Variants in LAMC1 observed in about 807,000 individuals in gnomAD.
LAMC1 encodes the protein laminin subunit gamma-1.
Under a neutral mutation model 173.6 loss-of-function variants are expected in LAMC1, and 38 were observed. The observed-to-expected ratio is 0.22, with a 90% CI of 0.17 to 0.29. The LOEUF (loss-of-function observed/expected upper bound fraction) is 0.29, where lower values mean the gene tolerates loss of function less well. Among genes scored for constraint, LAMC1 ranks in the 10% least tolerant of loss-of-function variants. LAMC1 has a pLI of 1.00. For synonymous variants in LAMC1, 746 were observed against 749.1 expected, an observed-to-expected ratio of 1.00 and a Z score of 0.07; for missense variants, 1,824 against 2,051.8, an observed-to-expected ratio of 0.89 and a Z score of 2.14.
intron 1 of LAMC1, among the ~76,000 whole-genome samples, chr1:183,059,991 G>T (rs1225728544): frequency 6.6e-6 from 1 of 152,106 alleles, no homozygotes; most frequent in African/African-American, 2.4e-5. Context: ...TTATTGTTCT[G>T]GTACCTGAAG....
chr1:183,108,475 G>A, intron 3 of LAMC1, 69 bp downstream of exon 3: 1 of 1,405,972 alleles, frequency 7.1e-7, no homozygotes, highest in Non-Finnish European at 9.9e-7. Context: ...CTAGCAACTT[G>A]TTTACAACTA....
At chr1:183,096,278 T>C (rs1053104902) in intron 1 of LAMC1, among the ~76,000 whole-genome samples, 4 of 152,240 alleles carry the variant, frequency 2.6e-5, no homozygotes, top group Non-Finnish European at 5.9e-5. Context: ...CGGATTTATC[T>C]TCTCCAAAAT....
At chr1:183,094,573 G>A (rs1655646504) in intron 1 of LAMC1, among the ~76,000 whole-genome samples, 1 of 151,768 alleles carries the variant, frequency 6.6e-6, no homozygotes, top group Non-Finnish European at 1.5e-5. Context: ...TTGAATGAAT[G>A]GAAGAATTTG....
chr1:183,093,134 C>T (rs1348715143), intron 1 of LAMC1, among the ~76,000 whole-genome samples: 1 of 152,086 alleles, frequency 6.6e-6, no homozygotes, highest in Non-Finnish European at 1.5e-5. Flanking sequence ...ATTTAGGGCT[C>T]TCCCCTGTCT....
intron 1 of LAMC1, among the ~76,000 whole-genome samples, chr1:183,098,722 A>G (rs1655757154): frequency 6.6e-6 from 1 of 152,224 alleles, no homozygotes; most frequent in African/African-American, 2.4e-5. Context: ...AAAAAAAGTC[A>G]TCAGTAGAAC....
intron 1 of LAMC1, among the ~76,000 whole-genome samples, chr1:183,072,581 G>A (rs1475411537): frequency 6.6e-6 from 1 of 152,192 alleles, no homozygotes; most frequent in Non-Finnish European, 1.5e-5. Flanking sequence ...ATTAATGAAT[G>A]TCTTTTGGGT....
intron 1 of LAMC1, among the ~76,000 whole-genome samples, chr1:183,032,545 A>G (rs1193957121): frequency 6.6e-6 from 1 of 152,022 alleles, no homozygotes; most frequent in African/African-American, 2.4e-5. Flanking sequence ...TTAAAGAGAC[A>G]AAGTCTCACT....
rs967584959 is a variant in LAMC1 at position 183,039,746 on chromosome 1, A to G, written c.418+15612A>G. On this transcript the variant is annotated intron_variant, in intron 1 of 27. Coordinates refer to ENST00000258341, the MANE Select transcript of LAMC1 (RefSeq NM_002293.4). Reference sequence around the variant, plus strand: ...CAGACGTCAATGGTGAATCCAGACCATTTCAAGATGGACACTGATTCTGGA... The same window carrying G: ...CAGACGTCAATGGTGAATCCAGACCGTTTCAAGATGGACACTGATTCTGGA... 5.4e-4 allele frequency among the ~76,000 whole-genome samples: 82 copies of G among 152,212 alleles called. 1 individual carries two copies.
intron 2 of LAMC1, among the ~76,000 whole-genome samples, chr1:183,105,996 C>A (rs780722678): frequency 3.3e-5 from 5 of 152,182 alleles, no homozygotes; most frequent in Non-Finnish European, 7.3e-5. Context: ...CTGTTCTAAG[C>A]CCTTTGATTT....
intron 1 of LAMC1, among the ~76,000 whole-genome samples, chr1:183,092,063 T>G (rs1655579942): frequency 6.6e-6 from 1 of 152,246 alleles, no homozygotes; most frequent in African/African-American, 2.4e-5. Context: ...TTTAGCTGGG[T>G]GCAGTCACCC....
In LAMC1 at chr1:183,125,694, G is replaced by A. The variant is rs1656601341; in HGVS notation, c.2801+144G>A. The A allele has an allele frequency of 6.4e-6, 4 of 624,320 alleles. No individual in the cohort carries two copies. The South Asian group carries it at 9.4e-5, about 15-fold the overall frequency. 38.7% of individuals were successfully genotyped at this position (624,320 alleles called of 1,614,324 possible). On this transcript the variant is annotated intron_variant, in intron 15 of 27. Coordinates refer to ENST00000258341, the MANE Select transcript of LAMC1 (RefSeq NM_002293.4). ...CAAGGCATCCTTCAGGGGCAGTGCT[G>A]GAGAATTGTAATAAAGCTAATGAAA... is the stretch of plus-strand genomic sequence containing the variant.
At chr1:183,097,736 G>A (rs1331737764) in intron 1 of LAMC1, among the ~76,000 whole-genome samples, 1 of 152,202 alleles carries the variant, frequency 6.6e-6, no homozygotes, top group Non-Finnish European at 1.5e-5. Flanking sequence ...TGTCGATGCG[G>A]CCTGTTCCCC....
chr1:183,029,903 G>T lies in LAMC1; in HGVS notation c.418+5769G>T, dbSNP rs148380039. ...GTAGTGATTCATGGGACATTGCCCT[G>T]ACCTCATTCTTAGATGAGGTGTAGA... On this transcript the variant is annotated intron_variant, in intron 1 of 27. Coordinates refer to ENST00000258341, the MANE Select transcript of LAMC1 (RefSeq NM_002293.4). Among the ~76,000 whole-genome samples the T allele has an allele frequency of 3.2e-4, 49 of 152,254 alleles. No individual in the cohort carries two copies. The East Asian group carries it at 8.7e-3, about 27-fold the overall frequency.
rs1486402776 is a variant in LAMC1 at position 183,078,446 on chromosome 1, G to T, written c.419-24882G>T. Among the ~76,000 whole-genome samples, 4 of 152,124 alleles carry T rather than the reference G, an allele frequency of 2.6e-5. No homozygotes were observed. The East Asian group carries it at 7.8e-4, about 30-fold the overall frequency. On this transcript the variant is annotated intron_variant, in intron 1 of 27. Coordinates refer to ENST00000258341, the MANE Select transcript of LAMC1 (RefSeq NM_002293.4). ...AATACAAAAAAATTAGCCGGGTGTG[G>T]TGGTGGGCGCCTGTAGTCCCAGCTA...
In LAMC1 at chr1:183,024,035, A is replaced by C; in HGVS notation, c.319A>C (p.Thr107Pro). ...CCTGCAGCACGGGGCAGCCTTCCTGACCGACTACAACAACCAGGCCGACAC... is the reference window on the plus strand; with the variant it reads ...CCTGCAGCACGGGGCAGCCTTCCTGCCCGACTACAACAACCAGGCCGACAC... ...PHLQHGAAFLTDYNNQADTTW... is the reference protein window; with the variant it reads ...PHLQHGAAFLPDYNNQADTTW... Residue 107 changes from threonine (T) to proline (P), a missense_variant, in exon 1 of 28, where the codon ACC (threonine) becomes CCC (proline). Coordinates refer to ENST00000258341, the MANE Select transcript of LAMC1 (RefSeq NM_002293.4). The C allele has an allele frequency of 1.2e-6, 2 of 1,612,876 alleles. No homozygotes were observed. The highest frequency in any genetic ancestry group is 1.7e-6 in the Non-Finnish European group (2 of 1,179,786).
chr1:183,126,077 GTC>G (rs763460797), intron 15 of LAMC1, 41 bp from the exon 16 acceptor site: 1 of 1,582,180 alleles, frequency 6.3e-7, no homozygotes, highest in Non-Finnish European at 8.6e-7. Context: ...TGTGCTTAAA[GTC>G]TGTTTTTCTT....
Position 183,130,359 on chromosome 1 carries a change from T to G in LAMC1, c.3296T>G (p.Leu1099Trp), listed in dbSNP as rs1440237492. The G allele has an allele frequency of 6.2e-7, 1 of 1,614,094 alleles. No individual in the cohort carries two copies. Among genetic ancestry groups the G allele is most frequent in the Non-Finnish European group, 8.5e-7 (1 of 1,179,920 alleles). ...ACCATTTTAGATGTTGACCAGAATT[T>G]GATGGATCGCCTACAGAGAGTGAAT... ...AQDVKDVDQN[L>W]MDRLQRVNNT... The change falls in exon 19 of 28, where the codon TTG becomes TGG. Residue 1099 changes from leucine (L) to tryptophan (W), a missense_variant. By Grantham distance (61) the Leu-to-Trp change is moderately conservative. Transcript: ENST00000258341.
Position 183,117,322 on chromosome 1 carries a change from G to C in LAMC1, c.1567G>C (p.Glu523Gln), listed in dbSNP as rs1404510252. The change falls in exon 9 of 28, where the codon GAG becomes CAG. Residue 523 changes from glutamate (E) to glutamine (Q), a missense_variant and splice_region_variant. Transcript: ENST00000258341. Reference protein sequence around the residue: ...YSISSTFQIDEDGWRAEQRDG... With the variant: ...YSISSTFQIDQDGWRAEQRDG... ...GTGTTTTCCTTCTCTACCTGCAGAT[G>C]AGGATGGGTGGCGTGCGGAACAGAG... is the stretch of plus-strand genomic sequence containing the variant. 3.1e-6 allele frequency: 5 copies of C among 1,601,930 alleles called. No individual in the cohort carries two copies. The highest frequency in any genetic ancestry group is 4.3e-6 in the Non-Finnish European group (5 of 1,170,292).
At chr1:183,046,519 T>G (rs1654271538) in intron 1 of LAMC1, among the ~76,000 whole-genome samples, 1 of 152,122 alleles carries the variant, frequency 6.6e-6, no homozygotes, top group Non-Finnish European at 1.5e-5. Flanking sequence ...TTTCTCCTCA[T>G]GAGCCTTGCT....
Sources: gnomAD v4.1 joint callset for allele counts (sites outside exome capture counted in the v4.1 genomes callset) on GRCh38, gnomAD v4.1.1 for gene constraint, MANE v1.5 for transcripts, NCBI Gene and HGNC (gene_info 2026-07-23, HGNC 2026-07-21) for gene names.